Variants in UBE2J1 observed in about 807,000 individuals in gnomAD.
The protein encoded by UBE2J1 is ubiquitin conjugating enzyme E2 J1, also known as ubiquitin-conjugating enzyme E2 J1.
A neutral mutation model predicts 42.1 loss-of-function variants in UBE2J1; 17 were observed. That is an observed-to-expected ratio of 0.40 (90% CI 0.28 to 0.61). UBE2J1 has a LOEUF of 0.61. UBE2J1 is among the 20% of genes least tolerant of loss of function. UBE2J1 has a pLI of 0.38. For synonymous variants in UBE2J1, 127 were observed against 137.2 expected (o/e 0.93, Z 0.52); for missense variants, 291 against 389.4 (o/e 0.75, Z 2.13).
intron 1 of UBE2J1, among the ~76,000 whole-genome samples, chr6:89,348,260 C>T (rs963215404): frequency 2.0e-5 from 3 of 152,184 alleles, no homozygotes; most frequent in Non-Finnish European, 4.4e-5. Flanking sequence ...TCTTGTTCTT[C>T]TTTCTTATAG....
chr6:89,331,686 G>A (rs1008661322), intron 7 of UBE2J1, among the ~76,000 whole-genome samples: 3 of 152,130 alleles, frequency 2.0e-5, no homozygotes, highest in Non-Finnish European at 4.4e-5. Flanking sequence ...ACTGGAATAA[G>A]TATAACTGGA....
Position 89,329,460 on chromosome 6 carries a change from G to C in UBE2J1, c.*219C>G. Reference sequence around the variant, plus strand: ...ATTTCCCTGCAAAGCAGATCAAATAGTGAGACAAGGAACTTTGACTTCTAG... The same window carrying C: ...ATTTCCCTGCAAAGCAGATCAAATACTGAGACAAGGAACTTTGACTTCTAG... On this transcript the variant is annotated 3_prime_UTR_variant, in exon 8 of 8. Transcript: ENST00000435041. 1.9e-6 allele frequency: 1 copy of C among 535,996 alleles called. No individual in the cohort carries two copies. The highest frequency in any genetic ancestry group is 3.2e-6 in the Non-Finnish European group (1 of 311,404). 33.2% of individuals were successfully genotyped at this position (535,996 alleles called of 1,614,324 possible). A position where few individuals can be genotyped will look rare whatever the true frequency, so the allele number is the denominator to read the frequency against.
chr6:89,350,777 C>A (rs1244702293), intron 1 of UBE2J1, among the ~76,000 whole-genome samples: 1 of 152,022 alleles, frequency 6.6e-6, no homozygotes, highest in African/African-American at 2.4e-5. Flanking sequence ...TCTAACCTAT[C>A]GAAATTGAGC....
At chr6:89,336,572 A>G (rs1474726751) in intron 5 of UBE2J1, among the ~76,000 whole-genome samples, 1 of 150,382 alleles carries the variant, frequency 6.6e-6, no homozygotes, top group Non-Finnish European at 1.5e-5. Context: ...GGCTCAAGCG[A>G]TCCTCCTGCC....
intron 1 of UBE2J1, among the ~76,000 whole-genome samples, chr6:89,344,659 T>G (rs1391968105): frequency 1.3e-5 from 2 of 152,240 alleles, no homozygotes; most frequent in Admixed American, 1.3e-4. Context: ...CAACAACCTC[T>G]ACTGGGATAC....
intron 1 of UBE2J1, among the ~76,000 whole-genome samples, chr6:89,344,739 G>T (rs1768325898): frequency 6.6e-6 from 1 of 152,172 alleles, no homozygotes; most frequent in Non-Finnish European, 1.5e-5. Context: ...AGCACTCCAA[G>T]ATTATTTCCC....
chr6:89,329,917 G>C lies in UBE2J1; in HGVS notation c.719C>G (p.Pro240Arg), dbSNP rs367896104. The C allele has an allele frequency of 4.2e-5, 68 of 1,613,962 alleles. No individual in the cohort carries two copies. The highest frequency in any genetic ancestry group is 6.7e-5 in the Admixed American group (4 of 59,994). The change falls in exon 8 of 8, where the codon CCT becomes CGT. Residue 240 changes from proline to arginine, a missense_variant. Pro to Arg is a moderately radical substitution (Grantham distance 103). This residue lies in a region of UBE2J1 where 176 missense variants were observed against 196.3 expected (regional missense o/e 0.90). Coordinates refer to ENST00000435041, the MANE Select transcript of UBE2J1 (RefSeq NM_016021.3). ...GGTATTCTTAGCTACAGGTTGGGTA[G>C]GTTGATGAAAGGATGCTGCTGAGGA... ...QNSSAASFHQPTQPVAKNTSM... is the reference protein window; with the variant it reads ...QNSSAASFHQRTQPVAKNTSM...
rs1767923640 is a variant in UBE2J1 at position 89,327,081 on chromosome 6, A to G, written c.*2598T>C. 6.6e-6 allele frequency: 1 copy of G among 152,656 alleles called. No homozygotes were observed. Among genetic ancestry groups the G allele is most frequent in the Non-Finnish European group, 1.5e-5 (1 of 68,034 alleles). The allele number at this position is 152,656 out of a possible 1,614,324, so 9.5% of individuals were successfully genotyped here. A position where few individuals can be genotyped will look rare whatever the true frequency, so the allele number is the denominator to read the frequency against. ...AATCTTGAAATTCATTTTTTTCAGT[A>G]GAATAAAACAATAAGCAGCATGAAA... On this transcript the variant is annotated 3_prime_UTR_variant, in exon 8 of 8. Transcript: ENST00000435041.
intron 2 of UBE2J1, among the ~76,000 whole-genome samples, chr6:89,342,948 TATG>T (rs1768276332): frequency 6.6e-6 from 1 of 152,210 alleles, no homozygotes; most frequent in Admixed American, 6.5e-5. Flanking sequence ...GCACTTAAGT[TATG>T]ATATTTTTAT....
At position 89,343,685 on chromosome 6, in the gene UBE2J1, C is replaced by T. The variant is rs763096948; in HGVS notation, c.103G>A (p.Glu35Lys). ...PTDHYHAQPL[E>K]DNLFEWHFTV... ...AGAACATGGAGATAGAAACTAACCT[C>T]TAAAGGCTGCGCATGGTAATGATCT... Residue 35 changes from glutamate to lysine, a missense_variant and splice_region_variant, in exon 2 of 8, where the codon GAG becomes AAG. Around this residue, in one of 2 missense-constraint regions of UBE2J1, gnomAD observed 115 missense variants for 193.1 expected, o/e 0.60. Coordinates refer to ENST00000435041, the MANE Select transcript of UBE2J1 (RefSeq NM_016021.3). The T allele has an allele frequency of 1.2e-6, 2 of 1,602,374 alleles. No individual in the cohort carries two copies.
intron 4 of UBE2J1, 49 bp downstream of exon 4, chr6:89,338,410 G>C (rs916030619): frequency 6.4e-7 from 1 of 1,562,052 alleles, no homozygotes; most frequent in African/African-American, 1.4e-5. Flanking sequence ...TCATAACTAT[G>C]AATTGACTGA....
At position 89,335,376 on chromosome 6, in the gene UBE2J1, G is replaced by A; in HGVS notation, c.484C>T (p.Pro162Ser). 1 of 1,607,450 alleles carries A rather than the reference G, an allele frequency of 6.2e-7. No individual in the cohort carries two copies. Among genetic ancestry groups the A allele is most frequent in the South Asian group, 1.1e-5 (1 of 90,226 alleles). ...CTTGAATCGCTTCCAGATTTTAAAG[G>A]CAACAGGACATCCTTCATGGCAGAG... is the stretch of plus-strand genomic sequence containing the variant. ...CGSAMKDVLL[P>S]LKSGSDSSQA... Residue 162 changes from proline to serine, a missense_variant, in exon 6 of 8, where the codon CCT becomes TCT. This residue lies in a region of UBE2J1 where 176 missense variants were observed against 196.3 expected (regional missense o/e 0.90). Coordinates refer to ENST00000435041, the MANE Select transcript of UBE2J1 (RefSeq NM_016021.3).
chr6:89,341,316 A>C (rs1385196962), intron 3 of UBE2J1, among the ~76,000 whole-genome samples: 1 of 152,256 alleles, frequency 6.6e-6, no homozygotes, highest in East Asian at 1.9e-4. Flanking sequence ...GGCACAGCTT[A>C]AAGTGATAAC....
chr6:89,330,012 A>G, intron 7 of UBE2J1, 55 bp from the exon 8 acceptor site: 1 of 1,528,874 alleles, frequency 6.5e-7, no homozygotes, highest in Non-Finnish European at 9.0e-7. Flanking sequence ...TTGTAAATAC[A>G]CTTGTTATCT....
intron 2 of UBE2J1, 144 bp from the exon 3 acceptor site, chr6:89,342,599 G>A (rs12210841): frequency 0.012 from 8,245 of 671,024 alleles, 65 homozygotes; most frequent in Non-Finnish European, 0.015. Flanking sequence ...GAGATGTCTC[G>A]AGACTATAAG....
At chr6:89,335,622 G>C (rs1170524637) in intron 5 of UBE2J1, among the ~76,000 whole-genome samples, 191 bp from the exon 6 acceptor site, 1 of 152,020 alleles carries the variant, frequency 6.6e-6, no homozygotes, top group Non-Finnish European at 1.5e-5. Flanking sequence ...GTAAATGTTA[G>C]GCTGGCTTTA....
chr6:89,349,256 G>A (rs1179043609), intron 1 of UBE2J1, among the ~76,000 whole-genome samples: 1 of 152,150 alleles, frequency 6.6e-6, no homozygotes, highest in Non-Finnish European at 1.5e-5. Context: ...AAGAGCATAA[G>A]AGTGGTGGAC....
In UBE2J1 at chr6:89,342,584, T is replaced by C. The variant is rs1032829643; in HGVS notation, c.106-129A>G. ...ATATTATTGCTAGTATAGTTTCTAA[T>C]GCATGAGATGTCTCGAGACTATAAG... On this transcript the variant is annotated intron_variant, in intron 2 of 7. Coordinates refer to ENST00000435041, the MANE Select transcript of UBE2J1 (RefSeq NM_016021.3). 5 of 788,276 alleles carry C rather than the reference T, an allele frequency of 6.3e-6. No homozygotes were observed. The African/African-American group carries it at 9.0e-5, about 14-fold the overall frequency. 48.8% of individuals were successfully genotyped at this position (788,276 alleles called of 1,614,324 possible).
intron 1 of UBE2J1, among the ~76,000 whole-genome samples, chr6:89,345,386 G>C (rs959250980): frequency 6.6e-6 from 1 of 152,174 alleles, no homozygotes; most frequent in Non-Finnish European, 1.5e-5. Context: ...TGGATCACCT[G>C]AGGTCAAGAG....
Sources: allele counts gnomAD v4.1 joint callset (sites outside exome capture counted in the v4.1 genomes callset), GRCh38; gene constraint gnomAD v4.1.1; regional missense constraint gnomAD v4.1.1; transcripts MANE v1.5; gene names NCBI Gene and HGNC (gene_info 2026-07-23, HGNC 2026-07-21).